The following GUCY1A1 variants were observed in gnomAD, a reference collection of about 807,000 sequenced individuals.
The protein encoded by GUCY1A1 is guanylate cyclase 1 soluble subunit alpha 1.
Under a neutral mutation model 64.5 loss-of-function variants are expected in GUCY1A1, and 48 were observed. The observed-to-expected ratio is 0.74, with a 90% confidence interval of 0.59 to 0.95. The LOEUF (loss-of-function observed/expected upper bound fraction) is 0.95, where lower values mean the gene tolerates loss of function less well. Ranked by LOEUF, GUCY1A1 falls within the 40% of genes least tolerant of loss-of-function variation. The pLI is 0.00. For synonymous variants in GUCY1A1, 308 were observed against 303.4 expected, an observed-to-expected ratio of 1.02 and a Z score of -0.16; for missense variants, 804 against 825.3, an observed-to-expected ratio of 0.97 and a Z score of 0.32.
At position 155,722,030 on chromosome 4, in the gene GUCY1A1, G is replaced by T. The variant is rs752311483; in HGVS notation, c.1717-8G>T. 8.2e-6 allele frequency: 13 copies of T among 1,589,960 alleles called. No individual in the cohort carries two copies. Among genetic ancestry groups the T allele is most frequent in the East Asian group, 2.2e-5 (1 of 44,716 alleles). ...GACTGGGAACATCATGTTATTTTTT[G>T]CTTTCAGATGCGAATTGGACTGCAC... On this transcript the variant is annotated splice_polypyrimidine_tract_variant and splice_region_variant and intron_variant, in intron 8 of 9. Transcript: ENST00000506455.
chr4:155,728,406 T>C (rs1735042622), intron 9 of GUCY1A1, among the ~76,000 whole-genome samples: 1 of 151,864 alleles, frequency 6.6e-6, no homozygotes, highest in Non-Finnish European at 1.5e-5. Context: ...TTACTATATG[T>C]GCATGTGATA....
At position 155,734,767 on chromosome 4, in the gene GUCY1A1, A is replaced by G. The variant is rs915205736; in HGVS notation, c.*4536A>G. 3 of 152,000 alleles carry G rather than the reference A, an allele frequency of 2.0e-5. No individual in the cohort carries two copies. Among genetic ancestry groups the G allele is most frequent in the Admixed American group, 6.6e-5 (1 of 15,244 alleles). The allele number at this position is 152,000 out of a possible 1,614,324, so 9.4% of individuals were successfully genotyped here. A position where few individuals can be genotyped will look rare whatever the true frequency, so the allele number is the denominator to read the frequency against. ...TCTTGTTAAAACACAGGCTAAAAGC[A>G]GTGACTGCTTAACTTATTAAGCAGA... is the stretch of plus-strand genomic sequence containing the variant. On this transcript the variant is annotated 3_prime_UTR_variant, in exon 10 of 10. Transcript: ENST00000506455.
At chr4:155,714,034 A>G (rs35713920) in intron 7 of GUCY1A1, among the ~76,000 whole-genome samples, 5,438 of 152,342 alleles carry the variant, frequency 0.036, 123 homozygotes, top group Middle Eastern at 0.061. Flanking sequence ...AGGATTATAA[A>G]AATTGCCTTT....
chr4:155,690,224 G>T (rs762740957), intron 2 of GUCY1A1, among the ~76,000 whole-genome samples: 6 of 152,134 alleles, frequency 3.9e-5, no homozygotes, highest in Non-Finnish European at 5.9e-5. Flanking sequence ...TTCCTTGGCT[G>T]GGATATTGAG....
rs1441054441 is a variant in GUCY1A1 at position 155,681,160 on chromosome 4, T to C, written c.-113+13741T>C. 3.3e-5 allele frequency among the ~76,000 whole-genome samples: 5 copies of C among 152,136 alleles called. No homozygotes were observed. In the East Asian group the frequency reaches 9.6e-4, roughly 29 times the overall value. ...AAGTATGACTCAATAATTATAGTTTTCATAGATGCTTTCTGATGGGTTAAA... is the reference window on the plus strand; with the variant it reads ...AAGTATGACTCAATAATTATAGTTTCCATAGATGCTTTCTGATGGGTTAAA... On this transcript the variant is annotated intron_variant, in intron 2 of 9. Transcript: ENST00000506455.
In GUCY1A1 at chr4:155,713,098, G is replaced by A; in HGVS notation, c.1087G>A (p.Val363Ile). ...WDNSVKKSSRVMDLKGQMIYI... is the reference protein window; with the variant it reads ...WDNSVKKSSRIMDLKGQMIYI... ...CAATTGGTTATCCTTTCCTTCATAG[G>A]TTATGGACCTCAAAGGCCAAATGAT... Residue 363 changes from valine to isoleucine, a missense_variant and splice_region_variant, in exon 7 of 10, where the codon GTT becomes ATT. Physicochemically the swap from Val to Ile is conservative, Grantham distance 29. Coordinates refer to ENST00000506455, the MANE Select transcript of GUCY1A1 (RefSeq NM_001130682.3). The A allele has an allele frequency of 6.2e-7, 1 of 1,607,208 alleles. No individual in the cohort carries two copies. The highest frequency in any genetic ancestry group is 8.5e-7 in the Non-Finnish European group (1 of 1,176,230).
intron 3 of GUCY1A1, among the ~76,000 whole-genome samples, chr4:155,701,371 C>G (rs1176971988): frequency 6.6e-6 from 1 of 152,004 alleles, no homozygotes. Context: ...GCTCCACCAA[C>G]CTTAGCAATT....
intron 9 of GUCY1A1, among the ~76,000 whole-genome samples, chr4:155,729,657 A>G (rs377448649): frequency 6.6e-6 from 1 of 151,854 alleles, no homozygotes; most frequent in Non-Finnish European, 1.5e-5. Flanking sequence ...ATAAATGGAC[A>G]TCTTACCTCT....
At chr4:155,674,204 A>C (rs1381415689) in intron 2 of GUCY1A1, among the ~76,000 whole-genome samples, 1 of 151,048 alleles carries the variant, frequency 6.6e-6, no homozygotes, top group Non-Finnish European at 1.5e-5. Flanking sequence ...AAATACAAAA[A>C]ATTAGCCGGG....
chr4:155,716,190 G>A (rs1341624236), intron 7 of GUCY1A1, among the ~76,000 whole-genome samples: 3 of 152,126 alleles, frequency 2.0e-5, no homozygotes, highest in Non-Finnish European at 4.4e-5. Flanking sequence ...GAGAAAGACA[G>A]GTAAAGAAGA....
Position 155,717,166 on chromosome 4 carries a change from C to A in GUCY1A1, c.1580C>A (p.Thr527Asn). ...AAAATATATTATGTCTAGGTGGAGA[C>A]CATTGGCGATGCCTATTGTGTAGCT... is the stretch of plus-strand genomic sequence containing the variant. ...CGELDVYKVE[T>N]IGDAYCVAGG... is the part of the protein sequence containing the mutation. The change falls in exon 8 of 10, where the codon ACC becomes AAC. Residue 527 changes from threonine (T) to asparagine (N), a missense_variant. By Grantham distance (65) the Thr-to-Asn change is moderately conservative. Transcript: ENST00000506455. The A allele has an allele frequency of 1.3e-6, 2 of 1,497,986 alleles. No homozygotes were observed. Among genetic ancestry groups the A allele is most frequent in the South Asian group, 1.4e-5 (1 of 73,632 alleles). The allele number at this position is 1,497,986 out of a possible 1,614,324, so 92.8% of individuals were successfully genotyped here.
At position 155,732,305 on chromosome 4, in the gene GUCY1A1, A is replaced by G. The variant is rs934929612; in HGVS notation, c.*2074A>G. 2.0e-5 allele frequency: 3 copies of G among 151,884 alleles called. No homozygotes were observed. The highest frequency in any genetic ancestry group is 6.6e-5 in the Admixed American group (1 of 15,192). The allele number at this position is 151,884 out of a possible 1,614,324, so 9.4% of individuals were successfully genotyped here. ...TTTGTACGATTCCTGCAACTTTTCT[A>G]TAAACGTGGCATTATATCTAAATAA... On this transcript the variant is annotated 3_prime_UTR_variant, in exon 10 of 10. Coordinates refer to ENST00000506455, the MANE Select transcript of GUCY1A1 (RefSeq NM_001130682.3).
At chr4:155,722,339 T>C in intron 9 of GUCY1A1, 147 bp downstream of exon 9, 1 of 1,434,234 alleles carries the variant, frequency 7.0e-7, no homozygotes, top group African/African-American at 1.4e-5. Flanking sequence ...TCATCCTCAC[T>C]TTAACTTTTT....
At chr4:155,668,182 T>C (rs1311667306) in intron 2 of GUCY1A1, 3 of 152,300 alleles carry the variant, frequency 2.0e-5, no homozygotes, top group Non-Finnish European at 4.4e-5. Flanking sequence ...ACAGTGACAA[T>C]GGTGTGAGGG....
At position 155,697,120 on chromosome 4, in the gene GUCY1A1, G is replaced by A. The variant is rs1413281683; in HGVS notation, c.253G>A (p.Glu85Lys). The A allele has an allele frequency of 6.2e-7, 1 of 1,611,390 alleles. No homozygotes were observed. The highest frequency in any genetic ancestry group is 2.2e-5 in the East Asian group (1 of 44,876). ...AESICKLIFP[E>K]FERLNVALQR... is the part of the protein sequence containing the mutation. ...GAGTATTTGCAAACTGATTTTCCCAGAGGTGAGTGCGTGCTCTTTAGATTT... is the reference window on the plus strand; with the variant it reads ...GAGTATTTGCAAACTGATTTTCCCAAAGGTGAGTGCGTGCTCTTTAGATTT... The change falls in exon 3 of 10, where the codon GAG becomes AAG. Residue 85 changes from glutamate (E) to lysine (K), a missense_variant and splice_region_variant. By Grantham distance (56) the Glu-to-Lys change is moderately conservative. Coordinates refer to ENST00000506455, the MANE Select transcript of GUCY1A1 (RefSeq NM_001130682.3).
chr4:155,710,702 AG>A lies in GUCY1A1; in HGVS notation c.539del (p.Gly180GlufsTer34). On this transcript the variant is annotated frameshift_variant, in exon 6 of 10. Transcript: ENST00000506455. LOFTEE classifies it high-confidence loss of function. Reference sequence around the variant, plus strand: ...AACAGAGCAGCCATTGCCAAGAAGCAGGAAAAAGGGGCAGGCTTGAGGACGC... The same window carrying A: ...AACAGAGCAGCCATTGCCAAGAAGCAGAAAAAGGGGCAGGCTTGAGGACGC... ...LKQSSHCQEA[G>X]KRGRLEDASI... 3 of 1,614,184 alleles carry A rather than the reference AG, an allele frequency of 1.9e-6. No homozygotes were observed. Among genetic ancestry groups the A allele is most frequent in the Non-Finnish European group, 2.5e-6 (3 of 1,180,030 alleles).
intron 5 of GUCY1A1, among the ~76,000 whole-genome samples, chr4:155,708,808 A>G (rs2126836263): frequency 6.6e-6 from 1 of 152,214 alleles, no homozygotes; most frequent in South Asian, 2.1e-4. Flanking sequence ...ATAATGACTA[A>G]CGTATATTGA....
chr4:155,686,193 T>A (rs1173529069), intron 2 of GUCY1A1, among the ~76,000 whole-genome samples: 1 of 152,142 alleles, frequency 6.6e-6, no homozygotes, highest in Non-Finnish European at 1.5e-5. Flanking sequence ...AAAGAATTAT[T>A]GGCCAGGCGT....
intron 2 of GUCY1A1, among the ~76,000 whole-genome samples, chr4:155,672,065 T>G (rs1198796695): frequency 2.0e-5 from 3 of 152,134 alleles, no homozygotes; most frequent in African/African-American, 7.2e-5. Flanking sequence ...GTATCTTTTT[T>G]GCACATTCTT....
Sources: gnomAD v4.1 joint callset for allele counts (sites outside exome capture counted in the v4.1 genomes callset) on GRCh38, gnomAD v4.1.1 for gene constraint, MANE v1.5 for transcripts, NCBI Gene and HGNC (gene_info 2026-07-23, HGNC 2026-07-21) for gene names.